NEO1: variants seen among roughly 807,000 people sequenced by gnomAD.
NEO1 encodes the protein neogenin 1, also known as neogenin.
In NEO1, 63 loss-of-function variants were observed where a neutral mutation model predicts 159.7. That is an observed-to-expected ratio of 0.39 (90% CI 0.32 to 0.49). The LOEUF is 0.49. NEO1 is among the 20% of genes least tolerant of loss of function. NEO1 has a pLI of 0.85. For synonymous variants in NEO1, 633 were observed against 662.0 expected (o/e 0.96, Z 0.67); for missense variants, 1,615 against 1,831.0 (o/e 0.88, Z 2.15).
intron 1 of NEO1, among the ~76,000 whole-genome samples, chr15:73,071,259 A>T (rs1386176967): frequency 6.6e-6 from 1 of 152,124 alleles, no homozygotes; most frequent in Non-Finnish European, 1.5e-5. Flanking sequence ...CTTTATGTGT[A>T]GTTACTACTT....
At chr15:73,123,909 G>A (rs1332213934) in intron 3 of NEO1, among the ~76,000 whole-genome samples, 2 of 152,160 alleles carry the variant, frequency 1.3e-5, no homozygotes, top group East Asian at 1.9e-4. Flanking sequence ...CAACTCTTGA[G>A]GGTGTTCCTA....
At chr15:73,181,274 G>A (rs2035593234) in intron 7 of NEO1, among the ~76,000 whole-genome samples, 1 of 152,210 alleles carries the variant, frequency 6.6e-6, no homozygotes, top group Non-Finnish European at 1.5e-5. Flanking sequence ...TGTGTAATGA[G>A]TATGATGATA....
intron 9 of NEO1, among the ~76,000 whole-genome samples, chr15:73,247,682 C>G (rs1301207114): frequency 6.6e-6 from 1 of 152,104 alleles, no homozygotes; most frequent in Non-Finnish European, 1.5e-5. Flanking sequence ...TTTTTCCCTT[C>G]CCAGTTTTTA....
intron 21 of NEO1, among the ~76,000 whole-genome samples, chr15:73,275,704 C>G (rs1440987684): frequency 6.6e-6 from 1 of 151,886 alleles, no homozygotes; most frequent in Non-Finnish European, 1.5e-5. Context: ...AAATGGGGAC[C>G]TAGCAAACAG....
At chr15:73,134,137 A>T (rs1030231689) in intron 4 of NEO1, among the ~76,000 whole-genome samples, 1 of 151,878 alleles carries the variant, frequency 6.6e-6, no homozygotes, top group African/African-American at 2.4e-5. Context: ...ATTTTTGTAA[A>T]TTTTTCTTAT....
At chr15:73,287,382 A>G (rs2041986334) in intron 23 of NEO1, among the ~76,000 whole-genome samples, 1 of 152,234 alleles carries the variant, frequency 6.6e-6, no homozygotes, top group Non-Finnish European at 1.5e-5. Context: ...ATTTTAAAAT[A>G]ATAGTTCAAC....
chr15:73,295,015 A>C (rs1297367115), intron 26 of NEO1, among the ~76,000 whole-genome samples: 1 of 150,928 alleles, frequency 6.6e-6, no homozygotes, highest in South Asian at 2.1e-4. Context: ...AGTGTGGCTC[A>C]TGCCTGTAAT....
At chr15:73,281,700 T>C (rs2041724998) in intron 22 of NEO1, among the ~76,000 whole-genome samples, 2 of 152,224 alleles carry the variant, frequency 1.3e-5, no homozygotes. Flanking sequence ...CATCCCATTA[T>C]TGTACACCTC....
At chr15:73,289,350 C>T (rs1332814800) in intron 25 of NEO1, 112 bp downstream of exon 25, 1 of 934,076 alleles carries the variant, frequency 1.1e-6, no homozygotes, top group Admixed American at 2.1e-5. Flanking sequence ...AGATAATCTA[C>T]CAAAGCTTTG....
intron 5 of NEO1, among the ~76,000 whole-genome samples, chr15:73,142,924 T>G (rs1471599450): frequency 6.6e-6 from 1 of 152,222 alleles, no homozygotes; most frequent in African/African-American, 2.4e-5. Flanking sequence ...ACCATAGACT[T>G]ACTTGGAAAC....
chr15:73,274,783 T>C, intron 21 of NEO1, 59 bp downstream of exon 21: 1 of 1,510,376 alleles, frequency 6.6e-7, no homozygotes, highest in Non-Finnish European at 9.0e-7. Flanking sequence ...TTATTAGCTT[T>C]TGGTTTTTGT....
rs182391583 is a variant in NEO1 at position 73,099,698 on chromosome 15, G to A, written c.131-16842G>A. ...TGTGTTCATGAATTAATTCAACTTA[G>A]AATTTTTTTAACTGAACTTGGTAAC... is the stretch of plus-strand genomic sequence containing the variant. On this transcript the variant is annotated intron_variant, in intron 1 of 28. Transcript: ENST00000261908. 3.3e-3 allele frequency among the ~76,000 whole-genome samples: 507 copies of A among 152,210 alleles called. 4 individuals are homozygous for A. The highest frequency in any genetic ancestry group is 0.012 in the African/African-American group (482 of 41,532).
At chr15:73,157,386 T>G (rs535445453) in intron 5 of NEO1, among the ~76,000 whole-genome samples, 5 of 152,356 alleles carry the variant, frequency 3.3e-5, no homozygotes, top group Admixed American at 2.0e-4. Flanking sequence ...GGCCTCTTAC[T>G]GTAGCTGCCT....
intron 5 of NEO1, among the ~76,000 whole-genome samples, chr15:73,171,870 G>T (rs1027991249): frequency 6.6e-6 from 1 of 151,908 alleles, no homozygotes; most frequent in African/African-American, 2.4e-5. Context: ...TTGAACTCCT[G>T]ACCTCAGGTG....
At chr15:73,181,093 A>G (rs1301022431) in intron 7 of NEO1, among the ~76,000 whole-genome samples, 1 of 152,158 alleles carries the variant, frequency 6.6e-6, no homozygotes, top group Admixed American at 6.6e-5. Flanking sequence ...TTTTTCATGT[A>G]AGGTGTCCCC....
chr15:73,287,010 T>C (rs746819467), intron 23 of NEO1, among the ~76,000 whole-genome samples: 38 of 152,230 alleles, frequency 2.5e-4, no homozygotes, highest in Non-Finnish European at 5.0e-4. Context: ...ACTCTCTTGC[T>C]TAAAACCATT....
At chr15:73,220,928 T>A (rs949902321) in intron 7 of NEO1, among the ~76,000 whole-genome samples, 4 of 152,244 alleles carry the variant, frequency 2.6e-5, no homozygotes, top group African/African-American at 9.6e-5. Flanking sequence ...TCTCAACTCA[T>A]CAAAGTCATT....
At chr15:73,250,174 A>T (rs1461578220) in intron 11 of NEO1, among the ~76,000 whole-genome samples, 1 of 151,472 alleles carries the variant, frequency 6.6e-6, no homozygotes, top group East Asian at 1.9e-4. Context: ...AAATTAAGTT[A>T]TATATATATA....
Position 73,062,189 on chromosome 15 carries a change from A to G in NEO1, c.130+9384A>G, listed in dbSNP as rs192692519. 7.6e-4 allele frequency among the ~76,000 whole-genome samples: 116 copies of G among 152,190 alleles called. 1 individual carries two copies. The highest frequency in any genetic ancestry group is 2.7e-3 in the African/African-American group (112 of 41,504). ...TTGCCAACATATTGGTTATTTTCAG[A>G]CTTCCTAGTCTTTTTGCCAATTTGA... is the stretch of plus-strand genomic sequence containing the variant. On this transcript the variant is annotated intron_variant, in intron 1 of 28. Transcript: ENST00000261908.
Sources: gnomAD v4.1 joint callset for allele counts (sites outside exome capture counted in the v4.1 genomes callset) on GRCh38, gnomAD v4.1.1 for gene constraint, MANE v1.5 for transcripts, NCBI Gene and HGNC (gene_info 2026-07-23, HGNC 2026-07-21) for gene names.